FAM135A: variants seen among roughly 807,000 people sequenced by gnomAD.
FAM135A encodes the protein protein FAM135A.
In FAM135A, 79 loss-of-function variants were observed where a neutral mutation model predicts 146.8. That is an observed-to-expected ratio of 0.54 (90% CI 0.45 to 0.65). The LOEUF (loss-of-function observed/expected upper bound fraction) is 0.65, where lower values mean the gene tolerates loss of function less well. FAM135A is among the 30% of genes least tolerant of loss of function. The probability of loss-of-function intolerance (pLI) is 0.00; values close to 1 mark genes in which losing one functional copy is unlikely to be tolerated. For synonymous variants in FAM135A, 562 were observed against 603.6 expected (o/e 0.93, Z 1.01); for missense variants, 1,623 against 1,758.2 (o/e 0.92, Z 1.38).
intron 5 of FAM135A, among the ~76,000 whole-genome samples, chr6:70,471,106 G>A (rs1399408921): frequency 6.6e-6 from 1 of 152,208 alleles, no homozygotes. Flanking sequence ...TGAATTTAAA[G>A]TATAGCCAGT....
Position 70,526,248 on chromosome 6 carries a change from G to C in FAM135A, c.3164G>C (p.Cys1055Ser), listed in dbSNP as rs1228092803. Reference protein sequence around the residue: ...SQSSTDISDTCAVSYSNALSP... With the variant: ...SQSSTDISDTSAVSYSNALSP... Reference sequence around the variant, plus strand: ...AGCAGTACGGATATTTCTGACACATGTGCTGTTAGCTACAGCAATGCACTT... The same window carrying C: ...AGCAGTACGGATATTTCTGACACATCTGCTGTTAGCTACAGCAATGCACTT... The change falls in exon 15 of 22, where the codon TGT becomes TCT. Residue 1055 changes from cysteine (C) to serine (S), a missense_variant. Cys to Ser is a moderately radical substitution (Grantham distance 112). Around this residue, in one of 7 missense-constraint regions of FAM135A, gnomAD observed 1,061 missense variants for 1,113.8 expected, o/e 0.95. Coordinates refer to ENST00000418814, the MANE Select transcript of FAM135A (RefSeq NM_001162529.3). 1.2e-6 allele frequency: 2 copies of C among 1,613,374 alleles called. No homozygotes were observed. Among genetic ancestry groups the C allele is most frequent in the Non-Finnish European group, 1.7e-6 (2 of 1,179,640 alleles).
chr6:70,424,822 T>C (rs1581998238), intron 2 of FAM135A, among the ~76,000 whole-genome samples: 1 of 152,184 alleles, frequency 6.6e-6, no homozygotes, highest in East Asian at 1.9e-4. Flanking sequence ...GTTTTGCAGA[T>C]TATTGTAGGC....
At position 70,428,347 on chromosome 6, in the gene FAM135A, C is replaced by T. The variant is rs1456323645; in HGVS notation, c.5C>T (p.Thr2Ile). Residue 2 changes from threonine to isoleucine, a missense_variant, in exon 4 of 22, where the codon ACT becomes ATT. Coordinates refer to ENST00000418814, the MANE Select transcript of FAM135A (RefSeq NM_001162529.3). Reference protein sequence around the residue: MTEVQAMVEFSV... With the variant: MIEVQAMVEFSV... The stretch of plus-strand genomic sequence containing the variant: ...TCTTCTGGGTATAAATTAAAAATGA[C>T]TGAAGTTCAAGCAATGGTAGAATTC... 2.5e-6 allele frequency: 4 copies of T among 1,596,674 alleles called. No homozygotes were observed. Among genetic ancestry groups the T allele is most frequent in the Non-Finnish European group, 3.4e-6 (4 of 1,172,266 alleles).
chr6:70,552,947 C>T (rs1000772091), intron 20 of FAM135A, among the ~76,000 whole-genome samples: 1 of 152,108 alleles, frequency 6.6e-6, no homozygotes, highest in African/African-American at 2.4e-5. Context: ...CAGCACTAAG[C>T]ACTAACATAT....
Position 70,522,570 on chromosome 6 carries a change from G to T in FAM135A, c.1087G>T (p.Ala363Ser), listed in dbSNP as rs764420616. Residue 363 changes from alanine (A) to serine (S), a missense_variant, in exon 13 of 22, where the codon GCA becomes TCA. By Grantham distance (99) the Ala-to-Ser change is moderately conservative. Around this residue, in one of 7 missense-constraint regions of FAM135A, gnomAD observed 23 missense variants for 47.7 expected, o/e 0.48. Transcript: ENST00000418814. ...CFEHPREAAI[A>S]YQELHAQSHL... ...TGAGCATCCAAGAGAAGCTGCCATTGCATACCAGGAACTTCAGTGAGTAGT... is the reference window on the plus strand; with the variant it reads ...TGAGCATCCAAGAGAAGCTGCCATTTCATACCAGGAACTTCAGTGAGTAGT... The T allele has an allele frequency of 2.5e-6, 4 of 1,613,386 alleles. No individual in the cohort carries two copies. The East Asian group carries it at 8.9e-5, about 36-fold the overall frequency.
At position 70,533,658 on chromosome 6, in the gene FAM135A, A is replaced by G. The variant is rs547431097; in HGVS notation, c.3868-99A>G. The G allele has an allele frequency of 2.3e-3, 1,690 of 721,314 alleles. 4 individuals are homozygous for G. Among genetic ancestry groups the G allele is most frequent in the Non-Finnish European group, 3.3e-3 (1,509 of 452,152 alleles). The allele number at this position is 721,314 out of a possible 1,614,324, so 44.7% of individuals were successfully genotyped here. A position where few individuals can be genotyped will look rare whatever the true frequency, so the allele number is the denominator to read the frequency against. On this transcript the variant is annotated intron_variant, in intron 17 of 21. Transcript: ENST00000418814. Reference sequence around the variant, plus strand: ...TCTCTATAAAACATTGAACTTAACCATACTTTCAGTACCTAAATTAAAAAT... The same window carrying G: ...TCTCTATAAAACATTGAACTTAACCGTACTTTCAGTACCTAAATTAAAAAT...
At chr6:70,542,345 T>C (rs887175303) in intron 20 of FAM135A, among the ~76,000 whole-genome samples, 3 of 150,668 alleles carry the variant, frequency 2.0e-5, no homozygotes, top group Admixed American at 6.6e-5. Flanking sequence ...TTGTATCACC[T>C]CATGTGTTTT....
intron 12 of FAM135A, among the ~76,000 whole-genome samples, chr6:70,511,241 C>A (rs1268076421): frequency 6.6e-6 from 1 of 151,830 alleles, no homozygotes; most frequent in Non-Finnish European, 1.5e-5. Context: ...CTTTTTAGCT[C>A]TCTTGATAAT....
At chr6:70,465,095 G>A (rs114782987) in intron 5 of FAM135A, among the ~76,000 whole-genome samples, 3,714 of 152,036 alleles carry the variant, frequency 0.024, 109 homozygotes, top group African/African-American at 0.068. Context: ...GAGTTTGACT[G>A]CTTTATATAC....
intron 15 of FAM135A, among the ~76,000 whole-genome samples, chr6:70,527,515 AC>A (rs1195699041): frequency 2.0e-5 from 3 of 152,098 alleles, no homozygotes; most frequent in Non-Finnish European, 4.4e-5. Context: ...AGTTTATATC[AC>A]CGTCTGGTTA....
chr6:70,423,405 G>A (rs903487540), intron 2 of FAM135A, among the ~76,000 whole-genome samples: 4 of 152,156 alleles, frequency 2.6e-5, no homozygotes, highest in African/African-American at 7.2e-5. Context: ...AAAGAGTTAC[G>A]AGACATGAAA....
At position 70,525,125 on chromosome 6, in the gene FAM135A, G is replaced by C; in HGVS notation, c.2041G>C (p.Glu681Gln). 1 of 1,566,048 alleles carries C rather than the reference G, an allele frequency of 6.4e-7. No individual in the cohort carries two copies. Among genetic ancestry groups the C allele is most frequent in the Non-Finnish European group, 8.6e-7 (1 of 1,161,246 alleles). The change falls in exon 15 of 22, where the codon GAG (glutamate) becomes CAG (glutamine). Residue 681 changes from glutamate to glutamine, a missense_variant. Around this residue, in one of 7 missense-constraint regions of FAM135A, gnomAD observed 1,061 missense variants for 1,113.8 expected, o/e 0.95. Coordinates refer to ENST00000418814, the MANE Select transcript of FAM135A (RefSeq NM_001162529.3). ...AACTGTCAAACTAGGACCTTGGACA[G>C]AGCTTCGACAAGAGGAAATACTTGT... ...NITVKLGPWT[E>Q]LRQEEILVDN...
At position 70,543,323 on chromosome 6, in the gene FAM135A, G is replaced by A. The variant is rs112478703; in HGVS notation, c.4228+4922G>A. Among the ~76,000 whole-genome samples the A allele has an allele frequency of 5.2e-3, 784 of 152,140 alleles. 5 individuals carry two copies. The highest frequency in any genetic ancestry group is 0.018 in the African/African-American group (734 of 41,514). ...CTTCCATTCTACTCTTGAAATATTT[G>A]ATATTAATAGATTTAGTTATTGAAA... On this transcript the variant is annotated intron_variant, in intron 20 of 21. Coordinates refer to ENST00000418814, the MANE Select transcript of FAM135A (RefSeq NM_001162529.3).
At chr6:70,475,366 A>G (rs761494183) in intron 5 of FAM135A, 44 bp from the exon 6 acceptor site, 3 of 1,463,554 alleles carry the variant, frequency 2.0e-6, no homozygotes, top group East Asian at 2.5e-5. Context: ...TGCTTGTGTT[A>G]TATTTTACTT....
chr6:70,502,783 A>G lies in FAM135A; in HGVS notation c.1021A>G (p.Thr341Ala). Residue 341 changes from threonine to alanine, a missense_variant, in exon 12 of 22, where the codon ACT becomes GCT. Coordinates refer to ENST00000418814, the MANE Select transcript of FAM135A (RefSeq NM_001162529.3). ...AATATTATTAGCACAAGAGCACCAT[A>G]CTTTGAGGGTAAGTTAAAGAGAAGT... ...LRILLAQEHH[T>A]LRVRRFSEAF... 6.2e-7 allele frequency: 1 copy of G among 1,608,482 alleles called. No individual in the cohort carries two copies. The highest frequency in any genetic ancestry group is 8.5e-7 in the Non-Finnish European group (1 of 1,177,462).
intron 7 of FAM135A, among the ~76,000 whole-genome samples, chr6:70,476,949 T>C (rs1275241252): frequency 1.3e-5 from 2 of 152,182 alleles, no homozygotes; most frequent in African/African-American, 4.8e-5. Context: ...CATGGACTGA[T>C]AGAAAACAAT....
chr6:70,430,336 A>G (rs539177625), intron 4 of FAM135A, among the ~76,000 whole-genome samples: 4 of 139,550 alleles, frequency 2.9e-5, no homozygotes, highest in Non-Finnish European at 3.0e-5. Flanking sequence ...GACTCTATCT[A>G]AAAAAAAAAA....
Position 70,526,243 on chromosome 6 carries a change from C to G in FAM135A, c.3159C>G (p.Asp1053Glu), listed in dbSNP as rs752363228. ...FGSQSSTDIS[D>E]TCAVSYSNAL... Reference sequence around the variant, plus strand: ...CTCAAAGCAGTACGGATATTTCTGACACATGTGCTGTTAGCTACAGCAATG... The same window carrying G: ...CTCAAAGCAGTACGGATATTTCTGAGACATGTGCTGTTAGCTACAGCAATG... Residue 1053 changes from aspartate to glutamate, a missense_variant, in exon 15 of 22, where the codon GAC becomes GAG. Physicochemically the swap from Asp to Glu is conservative, Grantham distance 45 (BLOSUM62 2). Coordinates refer to ENST00000418814, the MANE Select transcript of FAM135A (RefSeq NM_001162529.3). The G allele has an allele frequency of 9.3e-6, 15 of 1,613,490 alleles. No individual in the cohort carries two copies. The highest frequency in any genetic ancestry group is 9.3e-6 in the Non-Finnish European group (11 of 1,179,658).
In FAM135A at chr6:70,439,602, A is replaced by G. The variant is rs1364457436; in HGVS notation, c.77+11183A>G. Among the ~76,000 whole-genome samples, 3 of 152,094 alleles carry G rather than the reference A, an allele frequency of 2.0e-5. No homozygotes were observed. In the East Asian group the frequency reaches 5.8e-4, roughly 29 times the overall value. Reference sequence around the variant, plus strand: ...CATTTAATCCATTTATATTTAATGTAATGGCTGATTTATTTGTGATTATGT... The same window carrying G: ...CATTTAATCCATTTATATTTAATGTGATGGCTGATTTATTTGTGATTATGT... On this transcript the variant is annotated intron_variant, in intron 4 of 21. Transcript: ENST00000418814.
Sources: allele counts gnomAD v4.1 joint callset (sites outside exome capture counted in the v4.1 genomes callset), GRCh38; gene constraint gnomAD v4.1.1; regional missense constraint gnomAD v4.1.1; transcripts MANE v1.5; gene names NCBI Gene and HGNC (gene_info 2026-07-23, HGNC 2026-07-21).